SDC2: variants seen among roughly 807,000 people sequenced by gnomAD.
SDC2 encodes the protein syndecan-2.
A neutral mutation model predicts 22.2 loss-of-function variants in SDC2; 13 were observed. That is an observed-to-expected ratio of 0.59 (90% CI 0.38 to 0.93). SDC2 has a LOEUF of 0.93. Ranked by LOEUF, SDC2 falls within the 40% of genes least tolerant of loss-of-function variation. The pLI, the probability that SDC2 is intolerant of heterozygous loss-of-function variation, is 0.00. For synonymous variants in SDC2, 94 were observed against 92.8 expected (o/e 1.01, Z -0.07); for missense variants, 235 against 246.8 (o/e 0.95, Z 0.32).
chr8:96,517,099 A>C (rs1393219815), intron 1 of SDC2, among the ~76,000 whole-genome samples: 1 of 152,140 alleles, frequency 6.6e-6, no homozygotes, highest in Non-Finnish European at 1.5e-5. Flanking sequence ...ATCCTCATCA[A>C]TATTTATTAT....
At chr8:96,600,187 T>C (rs776564163) in intron 2 of SDC2, among the ~76,000 whole-genome samples, 21 of 152,142 alleles carry the variant, frequency 1.4e-4, no homozygotes, top group Non-Finnish European at 2.4e-4. Context: ...CCATTGCACA[T>C]GTTTCCAGCA....
intron 1 of SDC2, among the ~76,000 whole-genome samples, chr8:96,564,108 A>G (rs982343174): frequency 6.6e-6 from 1 of 152,182 alleles, no homozygotes; most frequent in African/African-American, 2.4e-5. Context: ...CCACCTTTCT[A>G]AAGACTCAGG....
chr8:96,606,493 G>A (rs1815082503), intron 3 of SDC2, among the ~76,000 whole-genome samples: 2 of 152,176 alleles, frequency 1.3e-5, no homozygotes, highest in South Asian at 4.1e-4. Context: ...CTATGGAATT[G>A]TCTGGAGAAC....
At chr8:96,585,929 T>C (rs533481051) in intron 1 of SDC2, among the ~76,000 whole-genome samples, 1 of 152,162 alleles carries the variant, frequency 6.6e-6, no homozygotes, top group Non-Finnish European at 1.5e-5. Context: ...GAGCATTTTA[T>C]GAAACAGATT....
intron 1 of SDC2, among the ~76,000 whole-genome samples, chr8:96,501,306 T>TC (rs1439222002): frequency 7.7e-6 from 1 of 130,606 alleles, no homozygotes; most frequent in Non-Finnish European, 1.6e-5. Flanking sequence ...TTTTTTTTTT[T>TC]TTTTTTTTTT....
At chr8:96,607,847 T>C (rs1586329611) in intron 3 of SDC2, among the ~76,000 whole-genome samples, 1 of 152,252 alleles carries the variant, frequency 6.6e-6, no homozygotes, top group East Asian at 1.9e-4. Context: ...GGAGTAAGGC[T>C]TGGGGATTGC....
At chr8:96,519,800 G>A (rs868717423) in intron 1 of SDC2, among the ~76,000 whole-genome samples, 10 of 152,008 alleles carry the variant, frequency 6.6e-5, no homozygotes, top group South Asian at 2.1e-4. Context: ...CGCATGGCTC[G>A]GTTTTTATAT....
At chr8:96,537,963 T>C (rs900551746) in intron 1 of SDC2, among the ~76,000 whole-genome samples, 4 of 152,172 alleles carry the variant, frequency 2.6e-5, no homozygotes, top group Admixed American at 2.6e-4. Flanking sequence ...TTTGTTTGTT[T>C]GTTTGTTTGT....
chr8:96,508,295 C>T (rs910653004), intron 1 of SDC2, among the ~76,000 whole-genome samples: 15 of 111,278 alleles, frequency 1.3e-4, no homozygotes, highest in Middle Eastern at 4.3e-3. Context: ...GACTCCGTCT[C>T]AAATAATAAT....
chr8:96,499,171 TC>T (rs1163814756), intron 1 of SDC2, among the ~76,000 whole-genome samples: 4 of 152,224 alleles, frequency 2.6e-5, no homozygotes, highest in African/African-American at 9.6e-5. Context: ...TTTCAGTGTT[TC>T]TCCTTTTAAA....
At chr8:96,496,876 C>A (rs1034179852) in intron 1 of SDC2, among the ~76,000 whole-genome samples, 13 of 152,140 alleles carry the variant, frequency 8.5e-5, no homozygotes, top group Non-Finnish European at 1.5e-4. Context: ...AAGCCTGTTC[C>A]TAGTGATCCA....
At chr8:96,547,725 T>A (rs1019100795) in intron 1 of SDC2, among the ~76,000 whole-genome samples, 9 of 151,452 alleles carry the variant, frequency 5.9e-5, no homozygotes, top group African/African-American at 2.2e-4. Context: ...TTGGTATGGA[T>A]CCTTGTTTGA....
At chr8:96,522,812 C>A (rs1448794861) in intron 1 of SDC2, among the ~76,000 whole-genome samples, 1 of 152,184 alleles carries the variant, frequency 6.6e-6, no homozygotes, top group Non-Finnish European at 1.5e-5. Context: ...TAAAATAAAT[C>A]TGGTCCATGA....
At chr8:96,589,812 G>A (rs150581201) in intron 1 of SDC2, among the ~76,000 whole-genome samples, 1 of 152,192 alleles carries the variant, frequency 6.6e-6, no homozygotes, top group Non-Finnish European at 1.5e-5. Flanking sequence ...CCTCTGCATC[G>A]AATGGCTTCA....
chr8:96,507,036 G>C (rs1415432625), intron 1 of SDC2, among the ~76,000 whole-genome samples: 3 of 149,852 alleles, frequency 2.0e-5, no homozygotes, highest in Non-Finnish European at 4.4e-5. Context: ...AAAAAAGATA[G>C]CTAAGTAATC....
At chr8:96,574,770 T>G (rs1246805551) in intron 1 of SDC2, among the ~76,000 whole-genome samples, 1 of 152,186 alleles carries the variant, frequency 6.6e-6, no homozygotes, top group African/African-American at 2.4e-5. Flanking sequence ...TTTTATGTCT[T>G]TGGAAAAATG....
chr8:96,525,753 C>T (rs1813567865), intron 1 of SDC2, among the ~76,000 whole-genome samples: 2 of 151,980 alleles, frequency 1.3e-5, no homozygotes, highest in African/African-American at 4.8e-5. Context: ...GTTTTCTTTT[C>T]CTGGAAAAAA....
chr8:96,559,172 C>A (rs1015696383), intron 1 of SDC2, among the ~76,000 whole-genome samples: 4 of 152,018 alleles, frequency 2.6e-5, no homozygotes, highest in Admixed American at 6.6e-5. Context: ...ACACAAGGGC[C>A]GATGGTGGCT....
At chr8:96,564,594 A>G (rs547900245) in intron 1 of SDC2, among the ~76,000 whole-genome samples, 7 of 152,320 alleles carry the variant, frequency 4.6e-5, no homozygotes, top group Admixed American at 1.3e-4. Context: ...AGGATTCTAA[A>G]GTAAAAGTGT....
Sources: allele counts gnomAD v4.1 joint callset (sites outside exome capture counted in the v4.1 genomes callset), GRCh38; gene constraint gnomAD v4.1.1; transcripts MANE v1.5; gene names NCBI Gene and HGNC (gene_info 2026-07-23, HGNC 2026-07-21).